MYO16: variants seen among roughly 807,000 people sequenced by gnomAD.
MYO16 encodes unconventional myosin-XVI.
A neutral mutation model predicts 205.3 loss-of-function variants in MYO16; 94 were observed. That is an observed-to-expected ratio of 0.46 (90% CI 0.39 to 0.54). The LOEUF is 0.54. MYO16 is among the 20% of genes least tolerant of loss of function. The pLI is 0.00. For missense variants in MYO16, 2,315 were observed against 2,387.5 expected, an observed-to-expected ratio of 0.97 and a Z score of 0.63; for synonymous variants, 988 against 954.0, an observed-to-expected ratio of 1.04 and a Z score of -0.66.
intron 32 of MYO16, among the ~76,000 whole-genome samples, chr13:109,160,177 A>G (rs1878309202): frequency 6.6e-6 from 1 of 152,178 alleles, no homozygotes; most frequent in Non-Finnish European, 1.5e-5. Flanking sequence ...ACATTGCTGA[A>G]TGTCCCCTGG....
chr13:108,952,716 C>A (rs564102454), intron 16 of MYO16, among the ~76,000 whole-genome samples: 4 of 152,196 alleles, frequency 2.6e-5, no homozygotes, highest in Non-Finnish European at 5.9e-5. Context: ...AGCAATTACT[C>A]TTCACAAATG....
At chr13:108,646,068 G>A (rs1014491771) in intron 1 of MYO16, among the ~76,000 whole-genome samples, 4 of 152,226 alleles carry the variant, frequency 2.6e-5, no homozygotes, top group Middle Eastern at 3.4e-3. Context: ...CTGTCCTCTG[G>A]GGCACTACAT....
At chr13:109,002,826 G>A (rs1482372217) in intron 21 of MYO16, among the ~76,000 whole-genome samples, 2 of 152,172 alleles carry the variant, frequency 1.3e-5, no homozygotes, top group Non-Finnish European at 2.9e-5. Context: ...CACATACAGA[G>A]TTTAGTGAAA....
At chr13:109,204,588 C>T (rs1880524819) in intron 34 of MYO16, among the ~76,000 whole-genome samples, 2 of 152,130 alleles carry the variant, frequency 1.3e-5, no homozygotes, top group African/African-American at 4.8e-5. Context: ...TCCTAGACCA[C>T]AATAGTTGGG....
intron 34 of MYO16, among the ~76,000 whole-genome samples, chr13:109,202,831 G>A (rs984627196): frequency 3.0e-4 from 46 of 152,064 alleles, no homozygotes; most frequent in African/African-American, 1.1e-3. Flanking sequence ...AAACAACATG[G>A]TGCTAGTATA....
intron 2 of MYO16, among the ~76,000 whole-genome samples, chr13:108,676,494 A>T (rs1474742170): frequency 6.6e-6 from 1 of 152,058 alleles, no homozygotes; most frequent in South Asian, 2.1e-4. Flanking sequence ...TTAAAAATTT[A>T]TGTCTACTGA....
At chr13:108,595,859 A>G (rs1010611458), upstream of MYO16, among the ~76,000 whole-genome samples, 3 of 149,312 alleles carry the variant, frequency 2.0e-5, no homozygotes, top group Admixed American at 1.3e-4. Flanking sequence ...TCAGAGTTCA[A>G]TGCAAATTCA....
intron 34 of MYO16, among the ~76,000 whole-genome samples, chr13:109,196,185 T>C (rs1324874863): frequency 6.6e-6 from 1 of 152,208 alleles, no homozygotes; most frequent in African/African-American, 2.4e-5. Flanking sequence ...CAAGATTCTT[T>C]ACAGTAAAGT....
chr13:108,748,272 G>A (rs775347633), intron 4 of MYO16, among the ~76,000 whole-genome samples: 1 of 151,824 alleles, frequency 6.6e-6, no homozygotes, highest in Non-Finnish European at 1.5e-5. Context: ...GCCCAAAAAA[G>A]TCTCAGGATT....
chr13:108,921,019 G>T (rs1267801579), intron 16 of MYO16, among the ~76,000 whole-genome samples: 1 of 152,198 alleles, frequency 6.6e-6, no homozygotes, highest in Non-Finnish European at 1.5e-5. Flanking sequence ...AGTTCCACAT[G>T]TGTGTGTGAA....
intron 16 of MYO16, among the ~76,000 whole-genome samples, chr13:108,955,375 C>G (rs1427127846): frequency 6.6e-6 from 1 of 152,192 alleles, no homozygotes; most frequent in African/African-American, 2.4e-5. Flanking sequence ...CCACACCCCA[C>G]TCCAGCCCCT....
In MYO16 at chr13:109,202,812, G is replaced by C. The variant is rs561927732; in HGVS notation, c.5416-3797G>C. 2.0e-5 allele frequency among the ~76,000 whole-genome samples: 3 copies of C among 152,194 alleles called. No homozygotes were observed. The East Asian group carries it at 5.8e-4, about 29-fold the overall frequency. On this transcript the variant is annotated intron_variant, in intron 34 of 34. Coordinates refer to ENST00000457511, the MANE Select transcript of MYO16 (RefSeq NM_001198950.3). ...ATCTGATTTCAAACTATACTATAAG[G>C]CCATAGTCAAACAACATGGTGCTAG...
chr13:109,120,565 C>G, intron 29 of MYO16, 99 bp downstream of exon 29: 1 of 747,886 alleles, frequency 1.3e-6, no homozygotes, highest in Non-Finnish European at 2.1e-6. Flanking sequence ...GGTCTGCACC[C>G]TAGTGGACCA....
Position 109,008,905 on chromosome 13 carries a change from CAACAT to C in MYO16, c.2452_2456del (p.Asn818AspfsTer3). The C allele has an allele frequency of 6.2e-7, 1 of 1,612,318 alleles. No individual in the cohort carries two copies. Among genetic ancestry groups the C allele is most frequent in the South Asian group, 1.1e-5 (1 of 90,498 alleles). ...TGTTTTCTCCACAACAGCTTTGTGT[CAACAT>C]GACCAATGAGAAGATGCACCACTAT... On this transcript the variant is annotated frameshift_variant, in exon 22 of 35. Transcript: ENST00000457511. LOFTEE classifies it high-confidence loss of function.
chr13:108,539,542 G>A, the MYO16 span, among the ~76,000 whole-genome samples: 1 of 152,130 alleles, frequency 6.6e-6, no homozygotes, highest in Non-Finnish European at 1.5e-5. Context: ...AATAACTTAC[G>A]ATCTGCTAAA....
At chr13:109,034,229 A>G (rs1886638433) in intron 23 of MYO16, among the ~76,000 whole-genome samples, 1 of 152,236 alleles carries the variant, frequency 6.6e-6, no homozygotes, top group Non-Finnish European at 1.5e-5. Context: ...TACTTTTAGT[A>G]CATTCCAAAT....
intron 14 of MYO16, among the ~76,000 whole-genome samples, chr13:108,895,831 T>C (rs906368868): frequency 2.6e-5 from 4 of 152,206 alleles, no homozygotes; most frequent in African/African-American, 9.6e-5. Flanking sequence ...GACGGGAACA[T>C]TGTCTATTGC....
intron 13 of MYO16, among the ~76,000 whole-genome samples, chr13:108,886,050 C>T (rs1313823670): frequency 4.6e-5 from 7 of 151,932 alleles, no homozygotes; most frequent in Non-Finnish European, 1.0e-4. Flanking sequence ...TGCAGTGGCG[C>T]GATCTGGGCT....
At chr13:108,574,408 A>G in the MYO16 span, among the ~76,000 whole-genome samples, 5 of 152,298 alleles carry the variant, frequency 3.3e-5, no homozygotes, top group East Asian at 9.7e-4. Context: ...TCAAGAGTCT[A>G]TTGGTATATG....
Sources: gnomAD v4.1 joint callset for allele counts (sites outside exome capture counted in the v4.1 genomes callset) on GRCh38, gnomAD v4.1.1 for gene constraint, MANE v1.5 for transcripts, NCBI Gene and HGNC (gene_info 2026-07-23, HGNC 2026-07-21) for gene names.